Variants in KCNC2 observed in about 807,000 individuals in gnomAD.
The protein encoded by KCNC2 is potassium voltage-gated channel subfamily C member 2.
A neutral mutation model predicts 44.5 loss-of-function variants in KCNC2; 21 were observed. That is an observed-to-expected ratio of 0.47 (90% CI 0.33 to 0.68). The LOEUF (loss-of-function observed/expected upper bound fraction) is 0.68, where lower values mean the gene tolerates loss of function less well. KCNC2 is among the 30% of genes least tolerant of loss of function. The pLI, the probability that KCNC2 is intolerant of heterozygous loss-of-function variation, is 0.01. For synonymous variants in KCNC2, 391 were observed against 339.1 expected (o/e 1.15, Z -1.68); for missense variants, 589 against 826.2 (o/e 0.71, Z 3.52).
At chr12:75,131,466 T>C (rs934103278) in intron 2 of KCNC2, among the ~76,000 whole-genome samples, 2 of 152,126 alleles carry the variant, frequency 1.3e-5, no homozygotes, top group Non-Finnish European at 2.9e-5. Flanking sequence ...TTATGTTACA[T>C]GTCAAAAGGG....
intron 2 of KCNC2, among the ~76,000 whole-genome samples, chr12:75,113,415 A>G (rs1479257177): frequency 6.6e-6 from 1 of 152,190 alleles, no homozygotes; most frequent in Non-Finnish European, 1.5e-5. Context: ...GAACTTTAAA[A>G]CCACTATTTC....
rs545581852 is a variant in KCNC2 at position 75,066,966 on chromosome 12, G to A, written c.688-15649C>T. On this transcript the variant is annotated intron_variant, in intron 2 of 4. Coordinates refer to ENST00000549446, the MANE Select transcript of KCNC2 (RefSeq NM_139137.4). Reference sequence around the variant, plus strand: ...GTCTGTAGTCCCAGCATTTTGGGAGGCCAAGGCAGGCAGATTACATGAGTC... The same window carrying A: ...GTCTGTAGTCCCAGCATTTTGGGAGACCAAGGCAGGCAGATTACATGAGTC... Among the ~76,000 whole-genome samples the A allele has an allele frequency of 9.2e-5, 14 of 152,242 alleles. 1 individual carries two copies. The South Asian group carries it at 2.5e-3, about 27-fold the overall frequency.
At chr12:75,076,249 CTTTAT>C (rs1181932825) in intron 2 of KCNC2, among the ~76,000 whole-genome samples, 2 of 151,884 alleles carry the variant, frequency 1.3e-5, no homozygotes, top group African/African-American at 2.4e-5. Context: ...GCCAGAACAT[CTTTAT>C]TTTATTTTAT....
intron 2 of KCNC2, among the ~76,000 whole-genome samples, chr12:75,150,165 T>A (rs1422936968): frequency 2.6e-5 from 4 of 151,966 alleles, no homozygotes; most frequent in South Asian, 2.1e-4. Context: ...ACACAAAAAA[T>A]TCCTTTATTA....
At chr12:75,111,174 A>G (rs909648338) in intron 2 of KCNC2, among the ~76,000 whole-genome samples, 1 of 152,254 alleles carries the variant, frequency 6.6e-6, no homozygotes, top group Admixed American at 6.5e-5. Flanking sequence ...TTAGCTGTTT[A>G]TATGTGCTGT....
intron 2 of KCNC2, among the ~76,000 whole-genome samples, chr12:75,176,057 T>C (rs544375225): frequency 2.6e-5 from 4 of 152,102 alleles, no homozygotes; most frequent in Non-Finnish European, 5.9e-5. Context: ...ATTTGACAGA[T>C]GAAAAAGGCA....
intron 2 of KCNC2, among the ~76,000 whole-genome samples, chr12:75,096,213 C>A (rs1885910717): frequency 1.3e-5 from 2 of 151,944 alleles, no homozygotes; most frequent in Admixed American, 6.6e-5. Context: ...AACAAAGACC[C>A]AATTCAATCT....
intron 2 of KCNC2, among the ~76,000 whole-genome samples, chr12:75,091,649 A>T (rs1432868888): frequency 2.0e-5 from 3 of 151,626 alleles, no homozygotes; most frequent in South Asian, 2.1e-4. Context: ...TTTATTTTTT[A>T]AAAAATCAGT....
chr12:75,086,066 T>G (rs1254235389), intron 2 of KCNC2, among the ~76,000 whole-genome samples: 2 of 152,064 alleles, frequency 1.3e-5, no homozygotes, highest in Non-Finnish European at 2.9e-5. Context: ...TAAATATGTT[T>G]TCACTCATAC....
At chr12:75,111,719 A>C (rs1887262753) in intron 2 of KCNC2, among the ~76,000 whole-genome samples, 1 of 152,146 alleles carries the variant, frequency 6.6e-6, no homozygotes, top group East Asian at 1.9e-4. Flanking sequence ...GAAACTAAAA[A>C]TATTAAGCTA....
intron 2 of KCNC2, among the ~76,000 whole-genome samples, chr12:75,154,120 G>T (rs964225398): frequency 6.6e-6 from 1 of 151,972 alleles, no homozygotes; most frequent in East Asian, 1.9e-4. Context: ...CTCTAAAAAA[G>T]AAATATATTT....
intron 2 of KCNC2, among the ~76,000 whole-genome samples, chr12:75,112,552 T>C (rs1887338170): frequency 6.6e-6 from 1 of 152,068 alleles, no homozygotes; most frequent in Non-Finnish European, 1.5e-5. Context: ...TTTTACTTAT[T>C]TATCTGATCC....
intron 2 of KCNC2, among the ~76,000 whole-genome samples, chr12:75,117,444 T>C (rs962374596): frequency 2.0e-5 from 3 of 152,198 alleles, no homozygotes; most frequent in Non-Finnish European, 4.4e-5. Context: ...TAGCAATTGT[T>C]AGTCTCATGG....
intron 2 of KCNC2, among the ~76,000 whole-genome samples, chr12:75,180,118 T>G (rs1379961937): frequency 6.6e-6 from 1 of 151,964 alleles, no homozygotes; most frequent in East Asian, 1.9e-4. Context: ...CATTTCAAAG[T>G]GTTAAATGCT....
In KCNC2 at chr12:75,041,301, G is replaced by A; in HGVS notation, c.*1804C>T. 6.6e-7 allele frequency: 1 copy of A among 1,520,462 alleles called. No individual in the cohort carries two copies. The highest frequency in any genetic ancestry group is 8.8e-7 in the Non-Finnish European group (1 of 1,136,962). The allele number at this position is 1,520,462 out of a possible 1,614,324, so 94.2% of individuals were successfully genotyped here. On this transcript the variant is annotated 3_prime_UTR_variant, in exon 5 of 5. Coordinates refer to ENST00000549446, the MANE Select transcript of KCNC2 (RefSeq NM_139137.4). Reference sequence around the variant, plus strand: ...TGTTCTATGTGTGGTGTTATCAAAAGAATCACTGTGTCTCTAAATATCATA... The same window carrying A: ...TGTTCTATGTGTGGTGTTATCAAAAAAATCACTGTGTCTCTAAATATCATA...
Position 75,194,867 on chromosome 12 carries a change from A to G in KCNC2, c.687+12430T>C, listed in dbSNP as rs1593073085. On this transcript the variant is annotated intron_variant, in intron 2 of 4. Coordinates refer to ENST00000549446, the MANE Select transcript of KCNC2 (RefSeq NM_139137.4). ...AAAACAAGAAAATGGTGTGGTATATATGTGTCTTGGAAGGAATGACTGCCT... is the reference window on the plus strand; with the variant it reads ...AAAACAAGAAAATGGTGTGGTATATGTGTGTCTTGGAAGGAATGACTGCCT... 2.6e-5 allele frequency among the ~76,000 whole-genome samples: 4 copies of G among 152,296 alleles called. No homozygotes were observed. The East Asian group carries it at 7.7e-4, about 29-fold the overall frequency.
chr12:75,074,232 A>ATTTTTTTTTTT (rs5799196), intron 2 of KCNC2, among the ~76,000 whole-genome samples: 1 of 94,830 alleles, frequency 1.1e-5, no homozygotes, highest in African/African-American at 4.0e-5. Context: ...CTACTCATAG[A>ATTTTTTTTTTT]TTTTTTTTTT....
At chr12:75,060,355 T>C (rs1430445089) in intron 2 of KCNC2, among the ~76,000 whole-genome samples, 1 of 152,062 alleles carries the variant, frequency 6.6e-6, no homozygotes, top group Non-Finnish European at 1.5e-5. Context: ...TTTTCTTGGA[T>C]TACTGGGAAT....
intron 2 of KCNC2, among the ~76,000 whole-genome samples, chr12:75,135,470 GAGAT>G (rs1889161079): frequency 2.0e-5 from 3 of 151,924 alleles, no homozygotes; most frequent in East Asian, 3.8e-4. Flanking sequence ...GAAAATATAA[GAGAT>G]AGATAGATAA....
Sources: allele counts gnomAD v4.1 joint callset (sites outside exome capture counted in the v4.1 genomes callset), GRCh38; gene constraint gnomAD v4.1.1; transcripts MANE v1.5; gene names NCBI Gene and HGNC (gene_info 2026-07-23, HGNC 2026-07-21).